Variants in ZFHX4 observed in about 807,000 individuals in gnomAD.
ZFHX4 encodes the protein zinc finger homeobox 4, also known as zinc finger homeobox protein 4.
Under a neutral mutation model 267.6 loss-of-function variants are expected in ZFHX4, and 56 were observed. The ratio of observed to expected loss-of-function variants is 0.21; its 90% CI spans 0.17 to 0.26. The LOEUF is 0.26. Ranked by LOEUF, ZFHX4 falls within the 10% of genes least tolerant of loss-of-function variation. The pLI is 1.00. For missense variants in ZFHX4, 4,332 were observed against 4,420.0 expected (o/e 0.98, Z 0.56); for synonymous variants, 1,778 against 1,665.6 (o/e 1.07, Z -1.64).
At chr8:76,725,413 T>G (rs111967075) in intron 3 of ZFHX4, among the ~76,000 whole-genome samples, 1 of 152,184 alleles carries the variant, frequency 6.6e-6, no homozygotes, top group Non-Finnish European at 1.5e-5. Context: ...AAAATATGAA[T>G]CTAATATAAA....
In ZFHX4 at chr8:76,863,346, A is replaced by G. The variant is rs550398854; in HGVS notation, c.9632A>G (p.Lys3211Arg). 1.2e-6 allele frequency: 2 copies of G among 1,613,828 alleles called. No homozygotes were observed. The highest frequency in any genetic ancestry group is 2.7e-5 in the African/African-American group (2 of 75,020). ...KIKEEELEAT[K>R]PEKHPKKEEK... ...AAAGAGGAGGAATTAGAGGCCACCAAACCCGAAAAACACCCCAAAAAAGAG... is the reference window on the plus strand; with the variant it reads ...AAAGAGGAGGAATTAGAGGCCACCAGACCCGAAAAACACCCCAAAAAAGAG... The change falls in exon 11 of 11, where the codon AAA (lysine) becomes AGA (arginine). Residue 3211 changes from lysine to arginine, a missense_variant. Physicochemically the swap from Lys to Arg is conservative, Grantham distance 26. Coordinates refer to ENST00000651372, the MANE Select transcript of ZFHX4 (RefSeq NM_024721.5).
chr8:76,848,886 C>T, intron 6 of ZFHX4, 109 bp from the exon 7 acceptor site: 3 of 1,073,634 alleles, frequency 2.8e-6, no homozygotes, highest in East Asian at 3.0e-5. Context: ...CTTGTCGGTT[C>T]TTTTTGTGAT....
chr8:76,768,985 C>G (rs1195172421), intron 3 of ZFHX4, among the ~76,000 whole-genome samples: 1 of 151,456 alleles, frequency 6.6e-6, no homozygotes, highest in East Asian at 1.9e-4. Context: ...GTAGTCCCAG[C>G]TACTTGGGAG....
Position 76,854,066 on chromosome 8 carries a change from G to A in ZFHX4, c.7145G>A (p.Ser2382Asn), listed in dbSNP as rs191727343. The change falls in exon 10 of 11, where the codon AGT becomes AAT. Residue 2382 changes from serine (S) to asparagine (N), a missense_variant. Physicochemically the swap from Ser to Asn is conservative, Grantham distance 46 (BLOSUM62 1). Coordinates refer to ENST00000651372, the MANE Select transcript of ZFHX4 (RefSeq NM_024721.5). ...AAKNAAAPAA[S>N]SGSGTSTPLI... ...AAAAACGCTGCTGCCCCTGCAGCAAGTTCTGGCTCTGGGACCAGCACCCCC... is the reference window on the plus strand; with the variant it reads ...AAAAACGCTGCTGCCCCTGCAGCAAATTCTGGCTCTGGGACCAGCACCCCC... 1,643 of 1,613,942 alleles carry A rather than the reference G, an allele frequency of 1.0e-3. 15 individuals carry two copies. The African/African-American group carries it at 0.02, about 19-fold the overall frequency.
chr8:76,781,852 A>T (rs539806572), intron 4 of ZFHX4, among the ~76,000 whole-genome samples: 2 of 152,164 alleles, frequency 1.3e-5, no homozygotes, highest in South Asian at 4.1e-4. Flanking sequence ...AGGTGGATAC[A>T]AGCACCTTGG....
Position 76,864,595 on chromosome 8 carries a change from A to C in ZFHX4, c.*30A>C. ...GAAGACAGGATCCCGTGCTTAAAAA[A>C]ATAAAAAATAAAAAAATAAAAAAAA... On this transcript the variant is annotated 3_prime_UTR_variant, in exon 11 of 11. Transcript: ENST00000651372. 7.6e-7 allele frequency: 1 copy of C among 1,315,626 alleles called. No homozygotes were observed. The highest frequency in any genetic ancestry group is 2.9e-5 in the East Asian group (1 of 34,744). 81.5% of individuals were successfully genotyped at this position (1,315,626 alleles called of 1,614,324 possible).
rs780314993 is a variant in ZFHX4 at position 76,855,448 on chromosome 8, A to G, written c.8527A>G (p.Lys2843Glu). The change falls in exon 10 of 11, where the codon AAA (lysine) becomes GAA (glutamate). Residue 2843 changes from lysine (K) to glutamate (E), a missense_variant. Lys to Glu is a moderately conservative substitution (Grantham distance 56). Transcript: ENST00000651372. ...VKPALSPKEP[K>E]TLDTLPKPAT... ...ACCGGCTTTGTCTCCCAAAGAGCCA[A>G]AAACTCTGGATACTCTGCCAAAACC... The G allele has an allele frequency of 1.9e-6, 3 of 1,613,616 alleles. No individual in the cohort carries two copies. Among genetic ancestry groups the G allele is most frequent in the East Asian group, 4.5e-5 (2 of 44,822 alleles).
intron 4 of ZFHX4, among the ~76,000 whole-genome samples, chr8:76,809,452 A>G (rs965371608): frequency 1.3e-5 from 2 of 152,320 alleles, no homozygotes; most frequent in Non-Finnish European, 2.9e-5. Flanking sequence ...CAAATTTAAA[A>G]GAATACAAAT....
rs943996911 is a variant in ZFHX4 at position 76,689,926 on chromosome 8, C to T, written c.-47+8306C>T. On this transcript the variant is annotated intron_variant, in intron 1 of 10. Coordinates refer to ENST00000651372, the MANE Select transcript of ZFHX4 (RefSeq NM_024721.5). ...AGAGACTGGATAAAATAAACAAATA[C>T]GATTTAAGAATTTGGGCAGACTGAC... Among the ~76,000 whole-genome samples, 7 of 152,072 alleles carry T rather than the reference C, an allele frequency of 4.6e-5. No individual in the cohort carries two copies. The South Asian group carries it at 1.0e-3, about 23-fold the overall frequency.
chr8:76,708,137 A>C, intron 3 of ZFHX4, 89 bp downstream of exon 3: 1 of 1,496,690 alleles, frequency 6.7e-7, no homozygotes. Context: ...CAACTTAAGG[A>C]AAAAAAAAGA....
rs1361193679 is a variant in ZFHX4, at chr8:76,863,225, C to T, written c.9511C>T (p.Pro3171Ser). The change falls in exon 11 of 11, where the codon CCT (proline) becomes TCT (serine). Residue 3171 changes from proline to serine, a missense_variant. Coordinates refer to ENST00000651372, the MANE Select transcript of ZFHX4 (RefSeq NM_024721.5). ...ACCACCTCCACCACCTCCTCCTCCT[C>T]CTCCTCCTTCATCCTCTCTGTCAGG... Reference protein sequence around the residue: ...TPPPPPPPPPPPPSSSLSGQQ... With the variant: ...TPPPPPPPPPSPPSSSLSGQQ... 2 of 1,585,344 alleles carry T rather than the reference C, an allele frequency of 1.3e-6. No homozygotes were observed. Among genetic ancestry groups the T allele is most frequent in the South Asian group, 2.3e-5 (2 of 87,744 alleles).
rs1811207032 is a variant in ZFHX4 at position 76,804,851 on chromosome 8, GTGT to G, written c.3325+26417_3325+26419del. Among the ~76,000 whole-genome samples, 3 of 152,202 alleles carry G rather than the reference GTGT, an allele frequency of 2.0e-5. No individual in the cohort carries two copies. In the East Asian group the frequency reaches 5.8e-4, roughly 29 times the overall value. On this transcript the variant is annotated intron_variant, in intron 4 of 10. Coordinates refer to ENST00000651372, the MANE Select transcript of ZFHX4 (RefSeq NM_024721.5). ...AAGGATCCCAAAGTGAACTGTTGCT[GTGT>G]TGTTCACTCACTGGGTTAGATCGAA...
At chr8:76,783,772 A>C (rs1327128288) in intron 4 of ZFHX4, among the ~76,000 whole-genome samples, 1 of 152,050 alleles carries the variant, frequency 6.6e-6, no homozygotes, top group Non-Finnish European at 1.5e-5. Context: ...AAACAAAGTA[A>C]ATAATGACTT....
intron 3 of ZFHX4, among the ~76,000 whole-genome samples, chr8:76,720,350 C>G (rs1808685874): frequency 6.6e-6 from 1 of 152,126 alleles, no homozygotes; most frequent in African/African-American, 2.4e-5. Context: ...ATCAGCAGTT[C>G]ATTCCTTTTT....
chr8:76,733,952 G>T (rs1285854017), intron 3 of ZFHX4, among the ~76,000 whole-genome samples: 1 of 152,100 alleles, frequency 6.6e-6, no homozygotes, highest in East Asian at 1.9e-4. Flanking sequence ...TGAAACAAAT[G>T]ATCACCTATT....
chr8:76,747,919 C>A (rs544368763), intron 3 of ZFHX4, among the ~76,000 whole-genome samples: 10 of 150,546 alleles, frequency 6.6e-5, no homozygotes, highest in Non-Finnish European at 1.0e-4. Flanking sequence ...GGCAACAGAG[C>A]GAGGCTCTAT....
At chr8:76,824,638 G>A (rs1811738689) in intron 4 of ZFHX4, among the ~76,000 whole-genome samples, 1 of 152,124 alleles carries the variant, frequency 6.6e-6, no homozygotes, top group South Asian at 2.1e-4. Context: ...AGTAGCATGA[G>A]TATAGCTCAC....
intron 5 of ZFHX4, among the ~76,000 whole-genome samples, chr8:76,841,452 T>A (rs1311051773): frequency 6.6e-6 from 1 of 152,222 alleles, no homozygotes; most frequent in Non-Finnish European, 1.5e-5. Context: ...TTATTCAGTG[T>A]GTAATTTTCA....
intron 3 of ZFHX4, among the ~76,000 whole-genome samples, chr8:76,738,475 A>G (rs1809223518): frequency 6.6e-6 from 1 of 152,186 alleles, no homozygotes; most frequent in African/African-American, 2.4e-5. Flanking sequence ...ACATTTCTCC[A>G]AAACTTTCAT....
Sources: gnomAD v4.1 joint callset for allele counts (sites outside exome capture counted in the v4.1 genomes callset) on GRCh38, gnomAD v4.1.1 for gene constraint, MANE v1.5 for transcripts, NCBI Gene and HGNC (gene_info 2026-07-23, HGNC 2026-07-21) for gene names.